The following SLC3A1 variants were observed in gnomAD, a reference collection of about 807,000 sequenced individuals.
SLC3A1 encodes solute carrier family 3 member 1, also known as amino acid transporter heavy chain SLC3A1.
In SLC3A1, 78 loss-of-function variants were observed where a neutral mutation model predicts 60.3. The ratio of observed to expected loss-of-function variants is 1.29; its 90% CI spans 1.08 to 1.56. SLC3A1 has a LOEUF of 1.56. Ranked by LOEUF, SLC3A1 falls within the 40% of genes most tolerant of loss-of-function variation. SLC3A1 has a pLI of 0.00. For synonymous variants in SLC3A1, 392 were observed against 307.9 expected, an observed-to-expected ratio of 1.27 and a Z score of -2.86; for missense variants, 1,172 against 858.9, an observed-to-expected ratio of 1.36 and a Z score of -4.56.
Position 44,275,719 on chromosome 2 carries a change from G to T in SLC3A1, c.184G>T (p.Val62Phe), listed in dbSNP as rs778587102. 8.7e-6 allele frequency: 14 copies of T among 1,614,182 alleles called. No homozygotes were observed. The highest frequency in any genetic ancestry group is 1.2e-5 in the Non-Finnish European group (14 of 1,180,002). Residue 62 changes from valine to phenylalanine, a missense_variant, in exon 1 of 10, where the codon GTC (valine) becomes TTC (phenylalanine). By Grantham distance (50) the Val-to-Phe change is conservative. Coordinates refer to ENST00000260649, the MANE Select transcript of SLC3A1 (RefSeq NM_000341.4). ...CTCCCAGGAGCCCGACTTCAAGGGC[G>T]TCCAGCCCTATGCGGGGATGCCCAA... ...LGSQEPDFKG[V>F]QPYAGMPKEV... is the part of the protein sequence containing the mutation.
chr2:44,278,291 A>G (rs898478553), intron 1 of SLC3A1, among the ~76,000 whole-genome samples: 3 of 150,454 alleles, frequency 2.0e-5, no homozygotes, highest in Non-Finnish European at 2.9e-5. Context: ...AAAAAAATAC[A>G]AAAAAAATCA....
intron 1 of SLC3A1, among the ~76,000 whole-genome samples, chr2:44,279,764 T>C (rs1335605665): frequency 1.3e-5 from 2 of 152,210 alleles, no homozygotes; most frequent in East Asian, 1.9e-4. Flanking sequence ...GGTTTTATCA[T>C]GTTACCCAGA....
At chr2:44,298,479 A>C (rs1361376808) in intron 4 of SLC3A1, among the ~76,000 whole-genome samples, 2 of 152,094 alleles carry the variant, frequency 1.3e-5, no homozygotes, top group Non-Finnish European at 2.9e-5. Flanking sequence ...TTTAGGTTCA[A>C]GCAATTCTCA....
chr2:44,319,974 GC>G (rs1462634723), intron 9 of SLC3A1: 1 of 541,070 alleles, frequency 1.8e-6, no homozygotes, highest in Non-Finnish European at 3.3e-6. Context: ...AGAGCACTGT[GC>G]GTACTTATTG....
intron 9 of SLC3A1, chr2:44,318,380 C>G (rs1055413319): frequency 5.6e-6 from 1 of 178,460 alleles, no homozygotes; most frequent in Non-Finnish European, 1.2e-5. Context: ...CCTGAGCCAC[C>G]TTGCCTGGCC....
chr2:44,306,421 C>T (rs1003708853), intron 7 of SLC3A1, among the ~76,000 whole-genome samples: 5 of 152,074 alleles, frequency 3.3e-5, no homozygotes, highest in South Asian at 2.1e-4. Flanking sequence ...AGCCTTTCTC[C>T]GTCTGGTGAG....
At chr2:44,317,250 C>T (rs1388736124) in intron 9 of SLC3A1, among the ~76,000 whole-genome samples, 2 of 152,074 alleles carry the variant, frequency 1.3e-5, no homozygotes, top group South Asian at 2.1e-4. Flanking sequence ...ATCACTTGAT[C>T]CTAGGAGTTT....
At chr2:44,316,325 C>T (rs1672451250) in intron 9 of SLC3A1, 1 of 152,166 alleles carries the variant, frequency 6.6e-6, no homozygotes, top group African/African-American at 2.4e-5. Context: ...CCTTGACATT[C>T]TTTCAAGAAG....
intron 7 of SLC3A1, 66 bp downstream of exon 7, chr2:44,304,404 A>C: frequency 8.1e-7 from 1 of 1,227,322 alleles, no homozygotes; most frequent in Non-Finnish European, 1.2e-6. Flanking sequence ...GTTATCTCTA[A>C]AATGCAATGG....
At chr2:44,321,740 C>T (rs761710251), downstream of SLC3A1, 1 of 1,609,936 alleles carries the variant, frequency 6.2e-7, no homozygotes, top group Non-Finnish European at 8.5e-7. Context: ...GTGGCTTTGT[C>T]ATAAACCTGC....
intron 6 of SLC3A1, chr2:44,301,552 A>G (rs1316875025): frequency 9.8e-6 from 3 of 305,646 alleles, no homozygotes; most frequent in Non-Finnish European, 1.9e-5. Flanking sequence ...CAGCCTGGCC[A>G]ACATGGTGAA....
At chr2:44,279,076 A>G (rs764667992) in intron 1 of SLC3A1, among the ~76,000 whole-genome samples, 4 of 151,120 alleles carry the variant, frequency 2.6e-5, no homozygotes, top group Non-Finnish European at 5.9e-5. Flanking sequence ...TCACCTCACT[A>G]CAACCTCCGC....
intron 7 of SLC3A1, among the ~76,000 whole-genome samples, chr2:44,304,561 G>A (rs1017144072): frequency 2.6e-5 from 4 of 152,148 alleles, no homozygotes; most frequent in African/African-American, 9.7e-5. Context: ...GCTTGTCTAT[G>A]CTCAGAACAC....
chr2:44,298,626 C>T (rs751911239), intron 4 of SLC3A1, among the ~76,000 whole-genome samples: 46 of 152,206 alleles, frequency 3.0e-4, no homozygotes, highest in Non-Finnish European at 6.0e-4. Context: ...GATCCACTTG[C>T]CTCGGCCTCC....
chr2:44,301,362 C>T (rs1197161113), intron 6 of SLC3A1: 3 of 613,226 alleles, frequency 4.9e-6, no homozygotes, highest in East Asian at 2.7e-5. Context: ...ACGTACTTCA[C>T]AGGAGTTTTG....
chr2:44,301,098 C>G lies in SLC3A1; in HGVS notation c.1107C>G (p.Asp369Glu), dbSNP rs2104364478. The G allele has an allele frequency of 6.2e-7, 1 of 1,613,856 alleles. No individual in the cohort carries two copies. The highest frequency in any genetic ancestry group is 8.5e-7 in the Non-Finnish European group (1 of 1,180,006). The part of the protein sequence containing the change: ...DIVRSFRQTM[D>E]QYSTEPGRYR... ...TCCGCAGCTTCCGGCAGACCATGGA[C>G]CAATACAGCACGGAGCCCGGCAGAT... Residue 369 changes from aspartate (D) to glutamate (E), a missense_variant, in exon 6 of 10, where the codon GAC (aspartate) becomes GAG (glutamate). Transcript: ENST00000260649.
At chr2:44,277,296 G>A (rs753916135) in intron 1 of SLC3A1, among the ~76,000 whole-genome samples, 7 of 151,726 alleles carry the variant, frequency 4.6e-5, no homozygotes, top group Non-Finnish European at 7.4e-5. Flanking sequence ...TAATAGAGAC[G>A]AGGGTTCTCC....
chr2:44,291,120 T>C (rs1335904393), intron 4 of SLC3A1, among the ~76,000 whole-genome samples: 1 of 152,206 alleles, frequency 6.6e-6, no homozygotes, highest in African/African-American at 2.4e-5. Flanking sequence ...GAGTTCATGC[T>C]CTTAACCACA....
rs1426883784 is a variant in SLC3A1 at position 44,286,036 on chromosome 2, G to A, written c.770G>A (p.Ser257Asn). ...GCTGTTTTCTTTGTTTGCCAGTTAA[G>A]TGTGTATGGAAACTCCAGTTGGCAC... Reference protein sequence around the residue: ...GKTIPPNNWLSVYGNSSWHFD... With the variant: ...GKTIPPNNWLNVYGNSSWHFD... The change falls in exon 4 of 10, where the codon AGT (serine) becomes AAT (asparagine). Residue 257 changes from serine (S) to asparagine (N), a missense_variant. Physicochemically the swap from Ser to Asn is conservative, Grantham distance 46. Coordinates refer to ENST00000260649, the MANE Select transcript of SLC3A1 (RefSeq NM_000341.4). 1.2e-6 allele frequency: 2 copies of A among 1,614,038 alleles called. No homozygotes were observed. The highest frequency in any genetic ancestry group is 1.3e-5 in the African/African-American group (1 of 74,920).
Sources: allele counts gnomAD v4.1 joint callset (sites outside exome capture counted in the v4.1 genomes callset), GRCh38; gene constraint gnomAD v4.1.1; transcripts MANE v1.5; gene names NCBI Gene and HGNC (gene_info 2026-07-23, HGNC 2026-07-21).